The following SPATA13 variants were observed in gnomAD, a reference collection of about 807,000 sequenced individuals.
SPATA13 encodes spermatogenesis associated 13.
SPATA13 carries 50 observed loss-of-function variants against 104.0 expected under a neutral mutation model. That is an observed-to-expected ratio of 0.48 (90% CI 0.38 to 0.61). The LOEUF (loss-of-function observed/expected upper bound fraction) is 0.61, where lower values mean the gene tolerates loss of function less well. SPATA13 is among the 20% of genes least tolerant of loss of function. The pLI, the probability that SPATA13 is intolerant of heterozygous loss-of-function variation, is 0.00. For missense variants in SPATA13, 1,524 were observed against 1,690.6 expected, an observed-to-expected ratio of 0.90 and a Z score of 1.73; for synonymous variants, 606 against 667.5, an observed-to-expected ratio of 0.91 and a Z score of 1.42.
chr13:24,099,014 G>A (rs1880173475), intron 3 of SPATA13, among the ~76,000 whole-genome samples: 1 of 152,110 alleles, frequency 6.6e-6, no homozygotes, highest in Non-Finnish European at 1.5e-5. Flanking sequence ...GAGCTGAGGA[G>A]TTTGAGGCTG....
intron 1 of SPATA13, among the ~76,000 whole-genome samples, chr13:24,201,070 G>A (rs1009855417): frequency 1.4e-5 from 2 of 144,338 alleles, no homozygotes; most frequent in Non-Finnish European, 3.1e-5. Flanking sequence ...CACACACAGA[G>A]TTTGGATTTT....
At chr13:24,230,505 A>G (rs1044820770) in intron 2 of SPATA13, among the ~76,000 whole-genome samples, 1 of 152,040 alleles carries the variant, frequency 6.6e-6, no homozygotes, top group Non-Finnish European at 1.5e-5. Context: ...GGCTGGCGGG[A>G]AGAGTGTAGA....
intron 1 of SPATA13, among the ~76,000 whole-genome samples, chr13:24,206,289 T>G (rs200783275): frequency 1.6e-4 from 1 of 6,426 alleles, no homozygotes; most frequent in Non-Finnish European, 0.026. Flanking sequence ...AGAAGACACA[T>G]GTGGCCACAA....
chr13:24,087,396 TCAAA>T (rs754311049), intron 3 of SPATA13, among the ~76,000 whole-genome samples: 1 of 152,212 alleles, frequency 6.6e-6, no homozygotes, highest in Non-Finnish European at 1.5e-5. Context: ...AAGAGAAGAA[TCAAA>T]CACTTATGTT....
chr13:24,202,909 A>T (rs537478978), intron 1 of SPATA13, among the ~76,000 whole-genome samples: 1 of 152,262 alleles, frequency 6.6e-6, no homozygotes, highest in African/African-American at 2.4e-5. Flanking sequence ...CGACAAGCAA[A>T]CAGGAAAACC....
rs1294476000 is a variant in SPATA13 at position 24,011,409 on chromosome 13, G to A, written c.-146-6258G>A. Among the ~76,000 whole-genome samples, 5 of 152,222 alleles carry A rather than the reference G, an allele frequency of 3.3e-5. No individual in the cohort carries two copies. The highest frequency in any genetic ancestry group is 1.5e-5 in the Non-Finnish European group (1 of 68,042). ...GGGATCCCTGAGACCGTTCTGGGCAGGTCTGGCTTGCTGCCCTCCCCTGGA... is the reference window on the plus strand; with the variant it reads ...GGGATCCCTGAGACCGTTCTGGGCAAGTCTGGCTTGCTGCCCTCCCCTGGA... On this transcript the variant is annotated intron_variant, in intron 2 of 14. Coordinates refer to the SPATA13 transcript ENST00000424834. The surrounding 1 kb of genome is among the most constrained non-coding windows in gnomAD (Gnocchi z 4.3).
chr13:24,060,667 T>C (rs1311323347), intron 3 of SPATA13, among the ~76,000 whole-genome samples: 1 of 151,196 alleles, frequency 6.6e-6, no homozygotes, highest in East Asian at 2.0e-4. Context: ...TGGGAGAAAA[T>C]ATGTGCAAAC....
intron 12 of SPATA13, 38 bp downstream of exon 12, chr13:24,300,513 T>C: frequency 1.3e-6 from 2 of 1,586,618 alleles, no homozygotes; most frequent in East Asian, 2.2e-5. Flanking sequence ...TTAATGCTTA[T>C]CAGTATTCTC....
At chr13:24,126,157 C>T (rs1881208786) in intron 3 of SPATA13, among the ~76,000 whole-genome samples, 1 of 152,236 alleles carries the variant, frequency 6.6e-6, no homozygotes, top group Non-Finnish European at 1.5e-5. Flanking sequence ...CCACTCACTT[C>T]TCTGCCCTCA....
chr13:24,074,226 AT>A (rs1285563632), intron 3 of SPATA13, among the ~76,000 whole-genome samples: 1 of 152,132 alleles, frequency 6.6e-6, no homozygotes, highest in Non-Finnish European at 1.5e-5. Flanking sequence ...GTCTCTATGA[AT>A]TTGCCTACTC....
At position 24,251,771 on chromosome 13, in the gene SPATA13, G is replaced by A; in HGVS notation, c.2073G>A (p.Val691=). Residue 691 remains valine, a synonymous_variant, in exon 4 of 13, where the codon GTG becomes GTA. Coordinates refer to ENST00000382108, the MANE Select transcript of SPATA13 (RefSeq NM_001166271.3). Reference sequence around the variant, plus strand: ...ACCAGGTGCCACCCTACAAGGCTGTGTCGGCCCGGTTCCGGCCCTTCACAT... The same window carrying A: ...ACCAGGTGCCACCCTACAAGGCTGTATCGGCCCGGTTCCGGCCCTTCACAT... ...PAHQVPPYKA[V]SARFRPFTFS... 1 of 1,614,190 alleles carries A rather than the reference G, an allele frequency of 6.2e-7. No individual in the cohort carries two copies. Among genetic ancestry groups the A allele is most frequent in the South Asian group, 1.1e-5 (1 of 91,090 alleles).
At chr13:24,007,989 G>A (rs913864329) in intron 2 of SPATA13, among the ~76,000 whole-genome samples, 2 of 152,158 alleles carry the variant, frequency 1.3e-5, no homozygotes, top group East Asian at 3.9e-4. Flanking sequence ...GGAGGCAGGC[G>A]CGGCCCAAAG....
chr13:24,145,063 A>G lies in SPATA13; in HGVS notation c.-111-77756A>G, dbSNP rs183658829. On this transcript the variant is annotated intron_variant, in intron 3 of 14. Coordinates refer to the SPATA13 transcript ENST00000424834. Reference sequence around the variant, plus strand: ...GAATATAGTTAGAATGAGCTGGTACACTATTTCTGAAGTGGGCAAGTCAAA... The same window carrying G: ...GAATATAGTTAGAATGAGCTGGTACGCTATTTCTGAAGTGGGCAAGTCAAA... Among the ~76,000 whole-genome samples, 9 of 152,296 alleles carry G rather than the reference A, an allele frequency of 5.9e-5. No homozygotes were observed. The East Asian group carries it at 1.2e-3, about 20-fold the overall frequency.
chr13:24,004,091 C>T (rs755253500), intron 2 of SPATA13, among the ~76,000 whole-genome samples: 12 of 152,140 alleles, frequency 7.9e-5, no homozygotes, highest in Non-Finnish European at 1.5e-4. Context: ...TCCTCAAGGT[C>T]GTTCAGGGAC....
intron 1 of SPATA13, among the ~76,000 whole-genome samples, chr13:24,198,544 G>A (rs1356090310): frequency 6.6e-6 from 1 of 152,170 alleles, no homozygotes; most frequent in Non-Finnish European, 1.5e-5. Context: ...GCGTTGTTGA[G>A]TTTGGCTTGG....
chr13:24,262,119 C>A (rs780815898), intron 4 of SPATA13, among the ~76,000 whole-genome samples: 10 of 152,084 alleles, frequency 6.6e-5, no homozygotes, highest in Non-Finnish European at 1.2e-4. Flanking sequence ...TGATATTAAT[C>A]CCCAACATTT....
chr13:24,269,030 G>C (rs1276791005), intron 4 of SPATA13, among the ~76,000 whole-genome samples: 1 of 152,134 alleles, frequency 6.6e-6, no homozygotes, highest in Admixed American at 6.5e-5. Context: ...TTCATGCTGT[G>C]ATTTCTCTGG....
intron 4 of SPATA13, chr13:24,272,981 G>A (rs985558662): frequency 6.6e-6 from 1 of 152,648 alleles, no homozygotes; most frequent in South Asian, 2.1e-4. Flanking sequence ...CCAGCCCAGA[G>A]AGCTGTCAGG....
chr13:24,029,374 C>T (rs77465364), intron 3 of SPATA13, among the ~76,000 whole-genome samples: 12,231 of 152,134 alleles, frequency 0.08, 996 homozygotes, highest in East Asian at 0.44. Context: ...TTTTTTTAGA[C>T]AAATAGTGTG....
Sources: gnomAD v4.1 joint callset for allele counts (sites outside exome capture counted in the v4.1 genomes callset) on GRCh38, gnomAD v4.1.1 for gene constraint, Gnocchi (gnomAD v3.1) non-coding constraint, MANE v1.5 for transcripts, NCBI Gene and HGNC (gene_info 2026-07-23, HGNC 2026-07-21) for gene names.